The following NRXN1 variants were observed in gnomAD, a reference collection of about 807,000 sequenced individuals.
NRXN1 encodes the protein neurexin-1.
A neutral mutation model predicts 150.9 loss-of-function variants in NRXN1; 39 were observed. That is an observed-to-expected ratio of 0.26 (90% CI 0.20 to 0.34). The LOEUF is 0.34. NRXN1 is among the 10% of genes least tolerant of loss of function. NRXN1 has a pLI of 1.00. For synonymous variants in NRXN1, 924 were observed against 757.0 expected (o/e 1.22, Z -3.62); for missense variants, 1,815 against 1,949.9 (o/e 0.93, Z 1.30).
chr2:50,313,690 C>A (rs549831715), intron 17 of NRXN1, among the ~76,000 whole-genome samples: 1 of 152,086 alleles, frequency 6.6e-6, no homozygotes, highest in Admixed American at 6.6e-5. Flanking sequence ...GTAGCCAGAC[C>A]CATTAAACAA....
chr2:50,217,357 T>A (rs755859848), intron 18 of NRXN1, among the ~76,000 whole-genome samples: 4 of 152,058 alleles, frequency 2.6e-5, no homozygotes, highest in Non-Finnish European at 5.9e-5. Flanking sequence ...TGTGGGAGAA[T>A]ATAAAGCATG....
chr2:50,151,794 C>T (rs1377973565), intron 18 of NRXN1, among the ~76,000 whole-genome samples: 1 of 151,628 alleles, frequency 6.6e-6, no homozygotes, highest in Non-Finnish European at 1.5e-5. Context: ...AATTAGATAA[C>T]TGTATACTTT....
intron 5 of NRXN1, among the ~76,000 whole-genome samples, chr2:50,847,847 A>G (rs1673907555): frequency 1.3e-5 from 2 of 152,130 alleles, no homozygotes; most frequent in South Asian, 4.1e-4. Context: ...CGACCAGAGA[A>G]GAGTCCGGCT....
intron 17 of NRXN1, among the ~76,000 whole-genome samples, chr2:50,237,499 G>A (rs2065572127): frequency 6.6e-6 from 1 of 151,770 alleles, no homozygotes; most frequent in South Asian, 2.1e-4. Context: ...ATAGCCACAA[G>A]CCCCAGTAGC....
rs181721143 is a variant in NRXN1, at chr2:50,750,618, T to C, written c.833-127003A>G. ...ATAATAAAAAAAGAAAACCAAAGAATTCCTTCTGTGCTTGGCTCAGCAGCG... is the reference window on the plus strand; with the variant it reads ...ATAATAAAAAAAGAAAACCAAAGAACTCCTTCTGTGCTTGGCTCAGCAGCG... On this transcript the variant is annotated intron_variant, in intron 5 of 22. Coordinates refer to ENST00000401669, the MANE Select transcript of NRXN1 (RefSeq NM_001330078.2). Among the ~76,000 whole-genome samples the C allele has an allele frequency of 3.3e-5, 5 of 152,040 alleles. 1 individual carries two copies. The highest frequency in any genetic ancestry group is 2.1e-4 in the South Asian group (1 of 4,820).
intron 18 of NRXN1, among the ~76,000 whole-genome samples, chr2:50,215,360 T>C (rs1026333965): frequency 1.3e-5 from 2 of 152,044 alleles, no homozygotes; most frequent in Non-Finnish European, 2.9e-5. Context: ...TATGTGTCAG[T>C]GCGATTCTTA....
chr2:50,042,507 T>C (rs1468117780), intron 21 of NRXN1, among the ~76,000 whole-genome samples: 1 of 152,208 alleles, frequency 6.6e-6, no homozygotes, highest in Admixed American at 6.5e-5. Flanking sequence ...ACCTCTTTCC[T>C]TATAAATTAT....
At chr2:50,476,866 C>T (rs144227937) in intron 15 of NRXN1, among the ~76,000 whole-genome samples, 1,632 of 152,172 alleles carry the variant, frequency 0.011, 15 homozygotes, top group Middle Eastern at 0.02. Flanking sequence ...CAAATATCTT[C>T]TAATTTGACA....
intron 17 of NRXN1, among the ~76,000 whole-genome samples, chr2:50,374,281 A>ACTC (rs1165662887): frequency 6.9e-6 from 1 of 145,906 alleles, no homozygotes; most frequent in African/African-American, 2.6e-5. Flanking sequence ...ACAGAGTGAG[A>ACTC]CTCTGTCTCA....
chr2:50,213,211 G>A (rs1001115383), intron 18 of NRXN1, among the ~76,000 whole-genome samples: 1 of 151,816 alleles, frequency 6.6e-6, no homozygotes, highest in Non-Finnish European at 1.5e-5. Context: ...AATATAAAAT[G>A]AACATTTACA....
chr2:50,450,448 A>C (rs2086857452), intron 17 of NRXN1, among the ~76,000 whole-genome samples: 1 of 152,144 alleles, frequency 6.6e-6, no homozygotes, highest in Non-Finnish European at 1.5e-5. Flanking sequence ...GAAAAAAAAA[A>C]AAAATCCCTT....
At chr2:50,287,289 T>C (rs1267566650) in intron 17 of NRXN1, among the ~76,000 whole-genome samples, 1 of 152,088 alleles carries the variant, frequency 6.6e-6, no homozygotes, top group African/African-American at 2.4e-5. Flanking sequence ...CTTCTCAAAA[T>C]AATAGGACAA....
At chr2:50,397,774 T>C (rs1300899812) in intron 17 of NRXN1, among the ~76,000 whole-genome samples, 1 of 152,154 alleles carries the variant, frequency 6.6e-6, no homozygotes, top group Non-Finnish European at 1.5e-5. Flanking sequence ...TTTTTTATCT[T>C]TAAAAGCTTC....
At chr2:50,065,509 CT>C (rs759382038) in intron 19 of NRXN1, among the ~76,000 whole-genome samples, 20 of 152,092 alleles carry the variant, frequency 1.3e-4, no homozygotes, top group Non-Finnish European at 2.4e-4. Flanking sequence ...TGAGATCGCC[CT>C]TATGGACACA....
At chr2:50,742,980 C>T (rs1283906662) in intron 5 of NRXN1, among the ~76,000 whole-genome samples, 1 of 152,078 alleles carries the variant, frequency 6.6e-6, no homozygotes, top group East Asian at 1.9e-4. Context: ...TGTTCAAGGT[C>T]ACTAGAACTT....
chr2:50,196,324 T>C (rs902760386), intron 18 of NRXN1, among the ~76,000 whole-genome samples: 34 of 152,186 alleles, frequency 2.2e-4, no homozygotes, highest in African/African-American at 8.2e-4. Flanking sequence ...GCCCTTGTTC[T>C]ATCATACAAA....
At chr2:49,946,286 G>A (rs1289305283) in intron 21 of NRXN1, among the ~76,000 whole-genome samples, 3 of 152,030 alleles carry the variant, frequency 2.0e-5, no homozygotes. Context: ...CTGGATATTA[G>A]ACCTTTGTCA....
intron 5 of NRXN1, among the ~76,000 whole-genome samples, chr2:50,872,763 G>A (rs1473596531): frequency 1.3e-5 from 2 of 151,326 alleles, no homozygotes; most frequent in Non-Finnish European, 3.0e-5. Flanking sequence ...GAGCACTCTG[G>A]GCAACAAAAC....
At chr2:50,473,369 A>T (rs2089699201) in intron 15 of NRXN1, among the ~76,000 whole-genome samples, 1 of 151,756 alleles carries the variant, frequency 6.6e-6, no homozygotes, top group South Asian at 2.1e-4. Flanking sequence ...AAAAAAAAAA[A>T]GAGATTACAA....
Sources: gnomAD v4.1 joint callset for allele counts (sites outside exome capture counted in the v4.1 genomes callset) on GRCh38, gnomAD v4.1.1 for gene constraint, MANE v1.5 for transcripts, NCBI Gene and HGNC (gene_info 2026-07-23, HGNC 2026-07-21) for gene names.